The following MECOM variants were observed in gnomAD, a reference collection of about 807,000 sequenced individuals.
MECOM encodes MDS1 and EVI1 complex locus, also known as histone-lysine N-methyltransferase MECOM.
A neutral mutation model predicts 116.3 loss-of-function variants in MECOM; 13 were observed. The ratio of observed to expected loss-of-function variants is 0.11; its 90% CI spans 0.07 to 0.18. The LOEUF (loss-of-function observed/expected upper bound fraction) is 0.18. Ranked by LOEUF, MECOM falls within the 10% of genes least tolerant of loss-of-function variation. MECOM has a pLI of 1.00. For synonymous variants in MECOM, 528 were observed against 535.2 expected (o/e 0.99, Z 0.19); for missense variants, 1,299 against 1,509.0 (o/e 0.86, Z 2.31).
chr3:169,283,296 G>A (rs1185248128), intron 2 of MECOM, among the ~76,000 whole-genome samples: 1 of 151,908 alleles, frequency 6.6e-6, no homozygotes, highest in Non-Finnish European at 1.5e-5. Flanking sequence ...TGAGCCCAGG[G>A]CTTCAAGACC....
At chr3:169,345,170 T>G (rs971107438) in intron 2 of MECOM, among the ~76,000 whole-genome samples, 2 of 152,112 alleles carry the variant, frequency 1.3e-5, no homozygotes, top group African/African-American at 4.8e-5. Context: ...CACTGTCATT[T>G]CAAAGCTTTT....
At chr3:169,348,691 A>G (rs1577806951) in intron 2 of MECOM, among the ~76,000 whole-genome samples, 1 of 152,044 alleles carries the variant, frequency 6.6e-6, no homozygotes, top group East Asian at 1.9e-4. Context: ...GAATATTTCA[A>G]TTCTGAGTCA....
intron 1 of MECOM, among the ~76,000 whole-genome samples, chr3:169,420,213 A>G (rs778688893): frequency 6.6e-6 from 1 of 151,994 alleles, no homozygotes; most frequent in African/African-American, 2.4e-5. Flanking sequence ...TCCACTTCCC[A>G]AGTTCAAGCA....
chr3:169,553,534 T>C (rs2109319865), intron 1 of MECOM, among the ~76,000 whole-genome samples: 2 of 152,344 alleles, frequency 1.3e-5, no homozygotes, highest in Middle Eastern at 6.8e-3. Context: ...GACTGCTAGC[T>C]AATCACTAAG....
At chr3:169,570,795 A>C (rs1763799465) in intron 1 of MECOM, among the ~76,000 whole-genome samples, 1 of 152,188 alleles carries the variant, frequency 6.6e-6, no homozygotes, top group African/African-American at 2.4e-5. Context: ...AACACCCCTC[A>C]TGATAAAAAC....
At chr3:169,285,567 A>C (rs2149686203) in intron 2 of MECOM, among the ~76,000 whole-genome samples, 1 of 152,334 alleles carries the variant, frequency 6.6e-6, no homozygotes, top group African/African-American at 2.4e-5. Flanking sequence ...TTTCAGCTAC[A>C]AGTGTGTGAC....
intron 2 of MECOM, among the ~76,000 whole-genome samples, chr3:169,186,278 G>C (rs1381765727): frequency 1.3e-5 from 2 of 151,170 alleles, no homozygotes; most frequent in Non-Finnish European, 1.5e-5. Context: ...AAAGAAGAAA[G>C]CTGGTCATGA....
chr3:169,602,666 GGACTTCT>G (rs1232871892), intron 1 of MECOM, among the ~76,000 whole-genome samples: 3 of 152,062 alleles, frequency 2.0e-5, no homozygotes, highest in African/African-American at 7.2e-5. Context: ...CTCTGGTTGA[GGACTTCT>G]GACGTATACC....
chr3:169,657,282 C>A (rs190284077), intron 1 of MECOM, among the ~76,000 whole-genome samples: 6 of 152,172 alleles, frequency 3.9e-5, no homozygotes, highest in African/African-American at 1.4e-4. Flanking sequence ...TATTAAAATT[C>A]GCTATCACGA....
chr3:169,425,065 G>T (rs116054667), intron 1 of MECOM, among the ~76,000 whole-genome samples: 2,398 of 150,622 alleles, frequency 0.016, 23 homozygotes, highest in Non-Finnish European at 0.025. Context: ...CGAGGGAAAA[G>T]AGGAAAATTA....
chr3:169,335,259 A>G (rs1278887422), intron 2 of MECOM, among the ~76,000 whole-genome samples: 1 of 152,182 alleles, frequency 6.6e-6, no homozygotes, highest in Non-Finnish European at 1.5e-5. Context: ...AATAAATTGC[A>G]CTAGTAAGAA....
intron 1 of MECOM, among the ~76,000 whole-genome samples, chr3:169,484,313 G>A (rs1339682506): frequency 3.3e-5 from 5 of 151,880 alleles, no homozygotes; most frequent in African/African-American, 1.2e-4. Context: ...ATAAAGAAGA[G>A]GGCTAAAGAA....
intron 2 of MECOM, among the ~76,000 whole-genome samples, chr3:169,378,664 C>T (rs1731867763): frequency 6.6e-6 from 1 of 151,450 alleles, no homozygotes; most frequent in African/African-American, 2.4e-5. Context: ...AGAAATGTGT[C>T]AAAATGACAC....
chr3:169,146,351 G>A, intron 2 of MECOM: 1 of 1,345,438 alleles, frequency 7.4e-7, no homozygotes, highest in Non-Finnish European at 9.8e-7. Flanking sequence ...GCCAGTGCCA[G>A]GAATTCAGAT....
At chr3:169,472,372 C>CAAT (rs1749407969) in intron 1 of MECOM, among the ~76,000 whole-genome samples, 2 of 140,082 alleles carry the variant, frequency 1.4e-5, no homozygotes, top group Non-Finnish European at 3.0e-5. Flanking sequence ...TATAGTGAGA[C>CAAT]CCCATCTCTA....
chr3:169,337,383 G>A (rs1418952340), intron 2 of MECOM, among the ~76,000 whole-genome samples: 3 of 152,104 alleles, frequency 2.0e-5, no homozygotes, highest in African/African-American at 7.2e-5. Context: ...AAAAGCATAA[G>A]CTTGGAAGAG....
intron 2 of MECOM, chr3:169,147,155 A>G (rs956992958): frequency 4.6e-5 from 45 of 985,456 alleles, no homozygotes; most frequent in Admixed American, 6.1e-5. Flanking sequence ...CCCGATGTGT[A>G]ATGAAAGTTA....
At chr3:169,529,162 A>G (rs1758291895) in intron 1 of MECOM, among the ~76,000 whole-genome samples, 1 of 152,176 alleles carries the variant, frequency 6.6e-6, no homozygotes, top group South Asian at 2.1e-4. Context: ...TGGGTCTCCT[A>G]GCCCCAGTCA....
intron 1 of MECOM, among the ~76,000 whole-genome samples, chr3:169,630,044 C>T (rs7625357): frequency 0.28 from 42,409 of 152,096 alleles, 6,136 homozygotes; most frequent in Non-Finnish European, 0.32. Flanking sequence ...CAACTCCCAG[C>T]ATGATGGGCA....
Sources: allele counts gnomAD v4.1 joint callset (sites outside exome capture counted in the v4.1 genomes callset), GRCh38; gene constraint gnomAD v4.1.1; transcripts MANE v1.5; gene names NCBI Gene and HGNC (gene_info 2026-07-23, HGNC 2026-07-21).